Variants in FKBP9 observed in about 807,000 individuals in gnomAD.
FKBP9 encodes the protein FKBP prolyl isomerase 9.
FKBP9 carries 27 observed loss-of-function variants against 55.6 expected under a neutral mutation model. The ratio of observed to expected loss-of-function variants is 0.49; its 90% CI spans 0.36 to 0.67. FKBP9 has a LOEUF of 0.67. FKBP9 is among the 30% of genes least tolerant of loss of function. The probability of loss-of-function intolerance (pLI) is 0.00; values close to 1 mark genes in which losing one functional copy is unlikely to be tolerated. For missense variants in FKBP9, 539 were observed against 742.8 expected, an observed-to-expected ratio of 0.73 and a Z score of 3.19; for synonymous variants, 267 against 296.5, an observed-to-expected ratio of 0.90 and a Z score of 1.02.
At position 33,000,256 on chromosome 7, in the gene FKBP9, C is replaced by T. The variant is rs773646822; in HGVS notation, c.1368C>T (p.Gly456=). ...CTCACCTGGGCTATGGGGAAGCTGG[C>T]GTGGGTGAGTAAGCAACGCTATTCA... ...IPPHLGYGEA[G]VDGEVPGSAV... is the part of the protein sequence containing the mutation. The change falls in exon 8 of 10, where the codon GGC becomes GGT. Residue 456 remains glycine, a synonymous_variant. Coordinates refer to ENST00000242209, the MANE Select transcript of FKBP9 (RefSeq NM_007270.5). 4.1e-5 allele frequency: 66 copies of T among 1,609,750 alleles called. No individual in the cohort carries two copies. The highest frequency in any genetic ancestry group is 2.5e-4 in the East Asian group (11 of 44,738).
intron 1 of FKBP9, among the ~76,000 whole-genome samples, chr7:32,964,008 C>T (rs1784082757): frequency 6.6e-6 from 1 of 152,226 alleles, no homozygotes. Context: ...AGGATGCAGT[C>T]AGGGGGGCCT....
rs561555064 is a variant in FKBP9, at chr7:32,988,625, C to T, written c.1012C>T (p.His338Tyr). 6.0e-5 allele frequency: 97 copies of T among 1,614,020 alleles called. No individual in the cohort carries two copies. In the South Asian group the frequency reaches 1.0e-3, roughly 17 times the overall value. Residue 338 changes from histidine to tyrosine, a missense_variant, in exon 6 of 10, where the codon CAC becomes TAC. Physicochemically the swap from His to Tyr is moderately conservative, Grantham distance 83. Transcript: ENST00000242209. Reference protein sequence around the residue: ...GEKRRIVVPPHLGYGEEGRGN... With the variant: ...GEKRRIVVPPYLGYGEEGRGN... ...AAAGCGAAGGATTGTGGTCCCGCCTCACCTGGGGTATGGAGAGGAAGGAAG... is the reference window on the plus strand; with the variant it reads ...AAAGCGAAGGATTGTGGTCCCGCCTTACCTGGGGTATGGAGAGGAAGGAAG...
chr7:33,003,757 G>T (rs745400861), intron 9 of FKBP9, among the ~76,000 whole-genome samples: 83 of 152,132 alleles, frequency 5.5e-4, no homozygotes, highest in Non-Finnish European at 8.5e-4. Flanking sequence ...TCCCTCTCAG[G>T]CCTCTTGTCC....
chr7:32,988,463 A>T, intron 5 of FKBP9, 44 bp from the exon 6 acceptor site: 2 of 1,607,380 alleles, frequency 1.2e-6, no homozygotes, highest in Non-Finnish European at 1.7e-6. Flanking sequence ...GCTGCTGTGG[A>T]GGCCCTCATG....
chr7:33,006,166 G>A lies in FKBP9; in HGVS notation c.*815G>A, dbSNP rs1039074477. 11 of 188,762 alleles carry A rather than the reference G, an allele frequency of 5.8e-5. No individual in the cohort carries two copies. The highest frequency in any genetic ancestry group is 1.1e-4 in the Non-Finnish European group (11 of 97,100). The allele number at this position is 188,762 out of a possible 1,614,324, so 11.7% of individuals were successfully genotyped here. On this transcript the variant is annotated 3_prime_UTR_variant, in exon 10 of 10. Coordinates refer to ENST00000242209, the MANE Select transcript of FKBP9 (RefSeq NM_007270.5). ...GGCTGGAGTGCAGTGGTGCCATCTC[G>A]GCTCACTGCAGCACTGTCTCGGCTC...
chr7:32,982,984 A>ATGTGTGTGTGTG (rs71559288), intron 5 of FKBP9, among the ~76,000 whole-genome samples: 1,591 of 142,192 alleles, frequency 0.011, 22 homozygotes, highest in Non-Finnish European at 0.014. Flanking sequence ...GTCAAAGGTT[A>ATGTGTGTGTGTG]TGTGTGTGTG....
chr7:32,994,425 C>CA (rs376185553), intron 6 of FKBP9, among the ~76,000 whole-genome samples: 5 of 152,240 alleles, frequency 3.3e-5, no homozygotes, highest in African/African-American at 1.2e-4. Flanking sequence ...AACAGGTTAC[C>CA]AAGGTTGAGG....
At chr7:32,961,360 C>G (rs561644930) in intron 1 of FKBP9, among the ~76,000 whole-genome samples, 1 of 152,138 alleles carries the variant, frequency 6.6e-6, no homozygotes, top group East Asian at 1.9e-4. Context: ...ACTACATATA[C>G]TTCTGAATCA....
In FKBP9 at chr7:32,957,765, G is replaced by T; in HGVS notation, c.192G>T (p.Thr64=). The T allele has an allele frequency of 6.8e-7, 1 of 1,468,556 alleles. No homozygotes were observed. The allele number at this position is 1,468,556 out of a possible 1,614,324, so 91.0% of individuals were successfully genotyped here. ...GDFVRYHYVG[T]FPDGQKFDSS... is the part of the protein sequence containing the mutation. ...TCGTGCGCTACCACTACGTGGGGAC[G>T]TTCCCCGACGGCCAGAAGTTCGACT... The change falls in exon 1 of 10, where the codon ACG becomes ACT. Residue 64 remains threonine, a synonymous_variant. Transcript: ENST00000242209.
At chr7:32,990,508 T>A (rs1245916600) in intron 6 of FKBP9, among the ~76,000 whole-genome samples, 6 of 152,162 alleles carry the variant, frequency 3.9e-5, no homozygotes, top group African/African-American at 1.4e-4. Context: ...AGGAAACAAA[T>A]GCAGCCATGA....
At chr7:32,985,947 C>T (rs1282517209) in intron 5 of FKBP9, among the ~76,000 whole-genome samples, 2 of 152,114 alleles carry the variant, frequency 1.3e-5, no homozygotes, top group Non-Finnish European at 2.9e-5. Context: ...GAGCCGAGAT[C>T]TTACCATTGC....
At chr7:32,996,027 T>C (rs1242026195) in intron 6 of FKBP9, 136 bp from the exon 7 acceptor site, 5 of 650,560 alleles carry the variant, frequency 7.7e-6, no homozygotes, top group Non-Finnish European at 1.4e-5. Flanking sequence ...AGTCTTGGAG[T>C]CCTCCTAGGG....
At chr7:32,993,677 T>A (rs138215414) in intron 6 of FKBP9, among the ~76,000 whole-genome samples, 1,789 of 152,166 alleles carry the variant, frequency 0.012, 13 homozygotes, top group Non-Finnish European at 0.016. Context: ...ACACAAAAAT[T>A]AGCCAGGTGT....
At chr7:32,969,321 T>C (rs957773656) in intron 1 of FKBP9, among the ~76,000 whole-genome samples, 1 of 152,078 alleles carries the variant, frequency 6.6e-6, no homozygotes, top group African/African-American at 2.4e-5. Flanking sequence ...TCATGATGCT[T>C]TTCCCTTGTG....
At chr7:32,994,775 G>A (rs997326855) in intron 6 of FKBP9, among the ~76,000 whole-genome samples, 1 of 151,924 alleles carries the variant, frequency 6.6e-6, no homozygotes, top group African/African-American at 2.4e-5. Context: ...CTCAATAAAC[G>A]CCTATTAAAT....
At chr7:32,994,217 C>T (rs544608017) in intron 6 of FKBP9, among the ~76,000 whole-genome samples, 141 of 152,236 alleles carry the variant, frequency 9.3e-4, no homozygotes, top group Non-Finnish European at 1.4e-3. Context: ...AACCCATAAC[C>T]ATTAGCGGTC....
intron 1 of FKBP9, among the ~76,000 whole-genome samples, chr7:32,965,813 ATATATATAT>A (rs1459891835): frequency 7.1e-5 from 1 of 14,022 alleles, no homozygotes; most frequent in East Asian, 1.3e-3. Context: ...AAAAAAAAAA[ATATATATAT>A]ATATATATAT....
chr7:32,970,858 T>G (rs922177887), intron 1 of FKBP9, among the ~76,000 whole-genome samples: 2 of 151,852 alleles, frequency 1.3e-5, no homozygotes, highest in Non-Finnish European at 2.9e-5. Context: ...TCCTTTCCAA[T>G]TTCTGTGCCA....
intron 6 of FKBP9, among the ~76,000 whole-genome samples, chr7:32,993,828 A>G (rs566498484): frequency 1.2e-4 from 19 of 152,234 alleles, no homozygotes; most frequent in African/African-American, 4.6e-4. Flanking sequence ...AAAAAAATTA[A>G]TTCCTCATTT....
Sources: allele counts gnomAD v4.1 joint callset (sites outside exome capture counted in the v4.1 genomes callset), GRCh38; gene constraint gnomAD v4.1.1; transcripts MANE v1.5; gene names NCBI Gene and HGNC (gene_info 2026-07-23, HGNC 2026-07-21).